The following OR51B5 variants were observed in gnomAD, a reference collection of about 807,000 sequenced individuals.
OR51B5 encodes olfactory receptor family 51 subfamily B member 5, also known as olfactory receptor 51B5.
For synonymous variants in OR51B5, 186 were observed against 144.8 expected (o/e 1.28, Z -2.04); for missense variants, 456 against 374.6 (o/e 1.22, Z -1.79).
intron 1 of OR51B5, among the ~76,000 whole-genome samples, chr11:5,501,931 C>G (rs942696518): frequency 8.3e-6 from 1 of 121,196 alleles, no homozygotes; most frequent in African/African-American, 2.6e-5. Flanking sequence ...CCCCAACCCC[C>G]GACAGGCCCG....
intron 1 of OR51B5, among the ~76,000 whole-genome samples, chr11:5,373,159 A>G (rs1290556173): frequency 6.6e-6 from 1 of 151,890 alleles, no homozygotes; most frequent in Non-Finnish European, 1.5e-5. Flanking sequence ...CCATAAGTCA[A>G]CTCAAAATAG....
chr11:5,404,441 C>T (rs867802792), intron 1 of OR51B5, among the ~76,000 whole-genome samples: 5 of 152,102 alleles, frequency 3.3e-5, no homozygotes, highest in East Asian at 1.9e-4. Flanking sequence ...GTCTAGCTAA[C>T]GGTTTGTAAA....
intron 1 of OR51B5, among the ~76,000 whole-genome samples, chr11:5,406,551 C>G (rs1472457320): frequency 6.6e-6 from 1 of 152,102 alleles, no homozygotes; most frequent in Non-Finnish European, 1.5e-5. Flanking sequence ...TTTATGTTCT[C>G]AACAAGACAA....
At chr11:5,374,974 TAC>T (rs1439832078) in intron 1 of OR51B5, among the ~76,000 whole-genome samples, 1 of 151,350 alleles carries the variant, frequency 6.6e-6, no homozygotes, top group Non-Finnish European at 1.5e-5. Flanking sequence ...ATTCAGGAAA[TAC>T]AGAGAACGCC....
At chr11:5,428,559 AT>A (rs1850484704) in intron 1 of OR51B5, among the ~76,000 whole-genome samples, 1 of 122,714 alleles carries the variant, frequency 8.1e-6, no homozygotes, top group African/African-American at 3.8e-5. Context: ...ATATATAGAT[AT>A]GTTTTAGCTT....
At chr11:5,444,186 G>A (rs1354209655) in intron 1 of OR51B5, among the ~76,000 whole-genome samples, 1 of 152,006 alleles carries the variant, frequency 6.6e-6, no homozygotes, top group African/African-American at 2.4e-5. Flanking sequence ...ATACATATAT[G>A]CTGACATACA....
intron 1 of OR51B5, chr11:5,441,032 G>T (rs1049537600): frequency 8.7e-6 from 14 of 1,613,798 alleles, no homozygotes; most frequent in Non-Finnish European, 1.2e-5. Flanking sequence ...CCACAAAAGG[G>T]AAAGGGAAGA....
chr11:5,456,598 T>G (rs2133790418), intron 1 of OR51B5: 1 of 152,310 alleles, frequency 6.6e-6, no homozygotes, highest in South Asian at 2.1e-4. Context: ...TTTTGAATTC[T>G]TTGGTTACTT....
intron 1 of OR51B5, among the ~76,000 whole-genome samples, chr11:5,418,263 G>A (rs558109725): frequency 7.9e-5 from 12 of 152,102 alleles, no homozygotes; most frequent in Admixed American, 5.9e-4. Context: ...TGTGGGGTGC[G>A]GGGAGGGGGT....
At chr11:5,407,055 TAATA>T (rs1259914078) in intron 1 of OR51B5, among the ~76,000 whole-genome samples, 1 of 152,136 alleles carries the variant, frequency 6.6e-6, no homozygotes, top group Non-Finnish European at 1.5e-5. Flanking sequence ...CTGATCTTAT[TAATA>T]ATTAAAAAGC....
exon 1 of OR51B5, chr11:5,343,112 C>G (rs547271833): frequency 1.2e-6 from 2 of 1,612,840 alleles, no homozygotes; most frequent in Admixed American, 1.7e-5. Context: ...CTTCACTACT[C>G]GAGTATTAGT....
At chr11:5,442,527 T>C (rs1307883916) in intron 1 of OR51B5, among the ~76,000 whole-genome samples, 8 of 152,122 alleles carry the variant, frequency 5.3e-5, no homozygotes, top group Non-Finnish European at 1.2e-4. Flanking sequence ...GACTATTCCA[T>C]CATAAAGATG....
intron 1 of OR51B5, among the ~76,000 whole-genome samples, chr11:5,487,842 C>A (rs930248151): frequency 2.6e-5 from 4 of 152,138 alleles, no homozygotes; most frequent in Non-Finnish European, 4.4e-5. Context: ...ACAAGCATAT[C>A]TGATTTACCT....
chr11:5,364,185 T>C (rs969126123), intron 1 of OR51B5, among the ~76,000 whole-genome samples: 1 of 152,148 alleles, frequency 6.6e-6, no homozygotes, highest in Admixed American at 6.5e-5. Flanking sequence ...GGGCAAAATA[T>C]TTTCCTAAAT....
chr11:5,432,419 A>C (rs1850546670), intron 1 of OR51B5, among the ~76,000 whole-genome samples: 1 of 152,236 alleles, frequency 6.6e-6, no homozygotes, highest in Non-Finnish European at 1.5e-5. Flanking sequence ...ACTCTGATCC[A>C]AAATTTTATT....
At chr11:5,355,973 C>A (rs4910556) in intron 1 of OR51B5, among the ~76,000 whole-genome samples, 57,242 of 151,372 alleles carry the variant, frequency 0.38, 11,031 homozygotes, top group Non-Finnish European at 0.41. Flanking sequence ...AAAAACCCAT[C>A]TGTACGTCAC....
At chr11:5,483,369 A>AG (rs1162364703) in intron 1 of OR51B5, among the ~76,000 whole-genome samples, 1 of 71,296 alleles carries the variant, frequency 1.4e-5, no homozygotes, top group Non-Finnish European at 2.5e-5. Context: ...GGGTGGGGGG[A>AG]GGGGGGAGGG....
At chr11:5,364,935 C>T (rs1849342912) in intron 1 of OR51B5, among the ~76,000 whole-genome samples, 1 of 150,754 alleles carries the variant, frequency 6.6e-6, no homozygotes, top group Non-Finnish European at 1.5e-5. Context: ...ATGGTGGATA[C>T]ACAAGGAGAA....
At chr11:5,441,008 G>T in intron 1 of OR51B5, 1 of 1,613,984 alleles carries the variant, frequency 6.2e-7, no homozygotes, top group Non-Finnish European at 8.5e-7. Flanking sequence ...CTTTGCAGAA[G>T]GGCAGTCGTT....
Sources: gnomAD v4.1 joint callset for allele counts (sites outside exome capture counted in the v4.1 genomes callset) on GRCh38, gnomAD v4.1.1 for gene constraint, MANE v1.5 for transcripts, NCBI Gene and HGNC (gene_info 2026-07-23, HGNC 2026-07-21) for gene names.